The following LRRTM4 variants were observed in gnomAD, a reference collection of about 807,000 sequenced individuals.
LRRTM4 encodes leucine-rich repeat transmembrane neuronal protein 4.
LRRTM4 carries 25 observed loss-of-function variants against 47.6 expected under a neutral mutation model. The observed-to-expected ratio is 0.53, with a 90% CI of 0.38 to 0.73. The LOEUF (loss-of-function observed/expected upper bound fraction) is 0.73, where lower values mean the gene tolerates loss of function less well. Ranked by LOEUF, LRRTM4 falls within the 30% of genes least tolerant of loss-of-function variation. The probability of loss-of-function intolerance (pLI) is 0.00; values close to 1 mark genes in which losing one functional copy is unlikely to be tolerated. For synonymous variants in LRRTM4, 311 were observed against 269.5 expected, an observed-to-expected ratio of 1.15 and a Z score of -1.51; for missense variants, 638 against 713.4, an observed-to-expected ratio of 0.89 and a Z score of 1.20.
At chr2:77,343,808 T>A (rs1671462410) in intron 3 of LRRTM4, among the ~76,000 whole-genome samples, 1 of 151,880 alleles carries the variant, frequency 6.6e-6, no homozygotes. Context: ...TAAGAGATTG[T>A]GATATAAATA....
chr2:76,777,555 C>T (rs1418409697), intron 3 of LRRTM4, among the ~76,000 whole-genome samples: 5 of 139,242 alleles, frequency 3.6e-5, no homozygotes, highest in African/African-American at 1.4e-4. Flanking sequence ...ATTTGGCTCT[C>T]TGTTTGTCTG....
At chr2:77,198,542 C>A (rs10184075) in intron 3 of LRRTM4, among the ~76,000 whole-genome samples, 30,186 of 152,068 alleles carry the variant, frequency 0.2, 5,771 homozygotes, top group African/African-American at 0.49. Flanking sequence ...ATTGTGATTC[C>A]ATCAATTGAA....
intron 3 of LRRTM4, among the ~76,000 whole-genome samples, chr2:77,217,069 T>C (rs1452796141): frequency 8.8e-6 from 1 of 113,536 alleles, no homozygotes. Context: ...TGAGACTCTG[T>C]CAAAAAAAAA....
At chr2:77,518,189 A>G in intron 3 of LRRTM4, 129 bp downstream of exon 3, 2 of 1,349,338 alleles carry the variant, frequency 1.5e-6, no homozygotes, top group Non-Finnish European at 1.9e-6. Context: ...GTAACCTTTC[A>G]CACTGAGCAA....
intron 3 of LRRTM4, among the ~76,000 whole-genome samples, chr2:77,117,167 A>G (rs1671409825): frequency 6.6e-6 from 1 of 152,006 alleles, no homozygotes. Flanking sequence ...ATTCTTTTGT[A>G]TGGTTTATGA....
At chr2:77,456,050 A>G (rs995829365) in intron 3 of LRRTM4, among the ~76,000 whole-genome samples, 1 of 152,128 alleles carries the variant, frequency 6.6e-6, no homozygotes, top group African/African-American at 2.4e-5. Context: ...AAATCCCTCC[A>G]TGTCCCCTAC....
At chr2:77,205,029 A>G (rs114369839) in intron 3 of LRRTM4, among the ~76,000 whole-genome samples, 2 of 152,228 alleles carry the variant, frequency 1.3e-5, no homozygotes, top group African/African-American at 4.8e-5. Context: ...TGAAAGATTT[A>G]TAACTCCCTA....
At chr2:77,333,500 G>A (rs902166297) in intron 3 of LRRTM4, among the ~76,000 whole-genome samples, 12 of 152,230 alleles carry the variant, frequency 7.9e-5, no homozygotes, top group Non-Finnish European at 2.9e-5. Context: ...TTTTAGCAAA[G>A]AGACTGGTGG....
At chr2:77,142,458 C>G (rs1243669755) in intron 3 of LRRTM4, among the ~76,000 whole-genome samples, 1 of 148,408 alleles carries the variant, frequency 6.7e-6, no homozygotes. Context: ...CACACACACA[C>G]TTATCTCAAA....
intron 3 of LRRTM4, among the ~76,000 whole-genome samples, chr2:76,761,914 C>T (rs1040882494): frequency 6.6e-6 from 1 of 152,152 alleles, no homozygotes; most frequent in Non-Finnish European, 1.5e-5. Context: ...AAAGGATGTC[C>T]TCTGACACTG....
chr2:77,351,305 G>T (rs368098382), intron 3 of LRRTM4, among the ~76,000 whole-genome samples: 1 of 151,532 alleles, frequency 6.6e-6, no homozygotes, highest in South Asian at 2.1e-4. Context: ...TTCAGAAAGA[G>T]ATGCCTAGTT....
chr2:76,895,641 C>G (rs1673388195), intron 3 of LRRTM4, among the ~76,000 whole-genome samples: 1 of 152,006 alleles, frequency 6.6e-6, no homozygotes, highest in African/African-American at 2.4e-5. Context: ...ATAAATCCAG[C>G]AAACTCTTCA....
rs941087664 is a variant in LRRTM4, at chr2:77,155,147, G to A, written c.1551+363171C>T. ...GCATGGCAGCAATGTAATACACAAA[G>A]TACATTTTGATTTTAAATACAGTGA... On this transcript the variant is annotated intron_variant, in intron 3 of 3. Coordinates refer to ENST00000409884, the MANE Select transcript of LRRTM4 (RefSeq NM_001134745.3). 2.0e-5 allele frequency among the ~76,000 whole-genome samples: 3 copies of A among 151,670 alleles called. No homozygotes were observed. In the East Asian group the frequency reaches 5.8e-4, roughly 29 times the overall value.
chr2:77,357,966 C>A (rs190263670), intron 3 of LRRTM4, among the ~76,000 whole-genome samples: 128 of 152,184 alleles, frequency 8.4e-4, no homozygotes, highest in African/African-American at 2.9e-3. Context: ...AATATATATA[C>A]TTTGGACAAA....
At chr2:76,954,508 GAA>G (rs74921599) in intron 3 of LRRTM4, among the ~76,000 whole-genome samples, 1 of 146,004 alleles carries the variant, frequency 6.8e-6, no homozygotes, top group South Asian at 2.1e-4. Flanking sequence ...GAAATAAAAA[GAA>G]AAAAAAAATG....
intron 3 of LRRTM4, among the ~76,000 whole-genome samples, chr2:76,879,083 A>G (rs751365670): frequency 5.3e-5 from 8 of 152,240 alleles, no homozygotes; most frequent in Non-Finnish European, 1.2e-4. Flanking sequence ...CCATTTCCAT[A>G]AAAGTGCAAG....
intron 3 of LRRTM4, among the ~76,000 whole-genome samples, chr2:76,789,523 A>T (rs1674855688): frequency 6.6e-6 from 1 of 152,118 alleles, no homozygotes. Flanking sequence ...AAACATAATG[A>T]GGGTTTGTTT....
At chr2:77,263,894 GT>G (rs1234704186) in intron 3 of LRRTM4, among the ~76,000 whole-genome samples, 2 of 152,046 alleles carry the variant, frequency 1.3e-5, no homozygotes, top group Non-Finnish European at 2.9e-5. Flanking sequence ...CTCTTGAGGA[GT>G]GTTCTAATGT....
intron 3 of LRRTM4, among the ~76,000 whole-genome samples, chr2:76,841,221 A>G (rs1410213785): frequency 2.0e-5 from 3 of 151,524 alleles, no homozygotes; most frequent in Non-Finnish European, 2.9e-5. Context: ...TGGGAATTGA[A>G]CAATGAGAAC....
Sources: gnomAD v4.1 joint callset for allele counts (sites outside exome capture counted in the v4.1 genomes callset) on GRCh38, gnomAD v4.1.1 for gene constraint, MANE v1.5 for transcripts, NCBI Gene and HGNC (gene_info 2026-07-23, HGNC 2026-07-21) for gene names.